The following CLVS1 variants were observed in gnomAD, a reference collection of about 807,000 sequenced individuals.
CLVS1 encodes clavesin 1, also known as clavesin-1.
A neutral mutation model predicts 33.1 loss-of-function variants in CLVS1; 10 were observed. The observed-to-expected ratio is 0.30, with a 90% CI of 0.19 to 0.51. CLVS1 has a LOEUF of 0.51. Ranked by LOEUF, CLVS1 falls within the 20% of genes least tolerant of loss-of-function variation. The pLI is 0.97. For synonymous variants in CLVS1, 163 were observed against 166.1 expected, an observed-to-expected ratio of 0.98 and a Z score of 0.14; for missense variants, 343 against 433.4, an observed-to-expected ratio of 0.79 and a Z score of 1.85.
intron 2 of CLVS1, among the ~76,000 whole-genome samples, chr8:61,340,072 AAAAAG>A (rs1811973069): frequency 6.7e-6 from 1 of 149,076 alleles, no homozygotes; most frequent in African/African-American, 2.4e-5. Flanking sequence ...AGAAAGAAAG[AAAAAG>A]AAAGGAAAGA....
rs1211273406 is a variant in CLVS1 at position 61,458,407 on chromosome 8, G to A, written c.842G>A (p.Gly281Glu). 1 of 1,614,074 alleles carries A rather than the reference G, an allele frequency of 6.2e-7. No homozygotes were observed. Among genetic ancestry groups the A allele is most frequent in the South Asian group, 1.1e-5 (1 of 91,068 alleles). ...FGGTLPPYDM[G>E]TWARTLLGPD... ...GGAACTCTTCCTCCTTATGACATGGGAACTTGGGCCCGGACGTTACTCGGT... is the reference window on the plus strand; with the variant it reads ...GGAACTCTTCCTCCTTATGACATGGAAACTTGGGCCCGGACGTTACTCGGT... The change falls in exon 5 of 6, where the codon GGA (glycine) becomes GAA (glutamate). Residue 281 changes from glycine to glutamate, a missense_variant. Physicochemically the swap from Gly to Glu is moderately conservative, Grantham distance 98. Coordinates refer to ENST00000325897, the MANE Select transcript of CLVS1 (RefSeq NM_173519.3).
intron 5 of CLVS1, among the ~76,000 whole-genome samples, chr8:61,478,950 G>A (rs946169684): frequency 3.9e-5 from 6 of 152,268 alleles, no homozygotes; most frequent in South Asian, 4.2e-4. Flanking sequence ...CAAGAGATCC[G>A]CTGTTAGTCT....
At chr8:61,019,808 C>A in the CLVS1 span, among the ~76,000 whole-genome samples, 10 of 152,030 alleles carry the variant, frequency 6.6e-5, no homozygotes, top group African/African-American at 2.4e-4. Flanking sequence ...ACCTTCCAAG[C>A]AGAACACCAA....
chr8:61,061,846 G>A (rs1804589130), intron 1 of CLVS1, among the ~76,000 whole-genome samples: 4 of 151,852 alleles, frequency 2.6e-5, no homozygotes. Context: ...AGAGGAGGGC[G>A]AGCTTGAGGT....
chr8:61,091,400 G>T (rs909245604), intron 1 of CLVS1, among the ~76,000 whole-genome samples: 2 of 152,208 alleles, frequency 1.3e-5, no homozygotes, highest in Admixed American at 6.5e-5. Context: ...CACTAAGTTT[G>T]TGGGAATTTG....
chr8:61,392,532 T>C (rs1437557931), intron 3 of CLVS1, among the ~76,000 whole-genome samples: 1 of 152,080 alleles, frequency 6.6e-6, no homozygotes, highest in Non-Finnish European at 1.5e-5. Context: ...CACCCTACCC[T>C]TTTACCTCTT....
intron 2 of CLVS1, among the ~76,000 whole-genome samples, chr8:61,217,427 T>C (rs558018055): frequency 8.1e-4 from 124 of 152,296 alleles, no homozygotes; most frequent in South Asian, 1.9e-3. Context: ...GTCAATGCTA[T>C]GGATATTGTA....
intron 1 of CLVS1, among the ~76,000 whole-genome samples, chr8:61,082,181 C>A (rs541814402): frequency 1.4e-4 from 22 of 152,106 alleles, no homozygotes; most frequent in Admixed American, 1.2e-3. Flanking sequence ...TGATGAGCTT[C>A]AATACACTGG....
At chr8:60,983,520 A>G in the CLVS1 span, among the ~76,000 whole-genome samples, 3 of 152,148 alleles carry the variant, frequency 2.0e-5, no homozygotes, top group African/African-American at 7.2e-5. Flanking sequence ...GTTTTCAATG[A>G]TCATCTGTCC....
chr8:61,203,151 A>G, intron 2 of CLVS1: 2 of 1,164,074 alleles, frequency 1.7e-6, no homozygotes, highest in Non-Finnish European at 2.6e-6. Context: ...AAGTTCATCA[A>G]TTACGTGAAG....
At chr8:61,113,899 C>T (rs1805672500) in intron 1 of CLVS1, among the ~76,000 whole-genome samples, 1 of 152,192 alleles carries the variant, frequency 6.6e-6, no homozygotes, top group African/African-American at 2.4e-5. Flanking sequence ...CTCCCAAAGT[C>T]TTGGGATTGC....
intron 2 of CLVS1, among the ~76,000 whole-genome samples, chr8:61,354,401 A>C (rs563804306): frequency 5.3e-5 from 8 of 152,148 alleles, no homozygotes; most frequent in African/African-American, 1.9e-4. Context: ...TCTGGAAAGC[A>C]ATTTGGTAGT....
chr8:61,211,419 T>C (rs770749432), intron 2 of CLVS1, among the ~76,000 whole-genome samples: 1 of 149,104 alleles, frequency 6.7e-6, no homozygotes, highest in Non-Finnish European at 1.5e-5. Flanking sequence ...CTCCCCCTAC[T>C]CTTCCTTCTC....
chr8:61,434,251 G>A (rs764377920), intron 3 of CLVS1, among the ~76,000 whole-genome samples: 1 of 152,178 alleles, frequency 6.6e-6, no homozygotes, highest in Non-Finnish European at 1.5e-5. Context: ...AATGAAACTG[G>A]TATTGAAATT....
intron 4 of CLVS1, among the ~76,000 whole-genome samples, chr8:61,455,174 T>C (rs1353490270): frequency 2.7e-5 from 3 of 109,636 alleles, no homozygotes; most frequent in Non-Finnish European, 5.9e-5. Context: ...CCTATAATTA[T>C]GATTTGTGTG....
chr8:61,371,592 C>T (rs1049388896), intron 2 of CLVS1, among the ~76,000 whole-genome samples: 4 of 152,192 alleles, frequency 2.6e-5, no homozygotes, highest in Non-Finnish European at 5.9e-5. Flanking sequence ...TATCTGATCA[C>T]TTATAGCCTT....
chr8:61,431,554 T>G (rs528070853), intron 3 of CLVS1, among the ~76,000 whole-genome samples: 17 of 152,330 alleles, frequency 1.1e-4, no homozygotes, highest in African/African-American at 3.8e-4. Flanking sequence ...TTCAAATCCC[T>G]TCCCCAACCT....
At chr8:61,185,653 C>T (rs1417167517) in intron 2 of CLVS1, among the ~76,000 whole-genome samples, 1 of 152,064 alleles carries the variant, frequency 6.6e-6, no homozygotes, top group African/African-American at 2.4e-5. Flanking sequence ...CACATTAGAA[C>T]AAAGCATATG....
chr8:61,061,133 A>G (rs1301485154), intron 1 of CLVS1, among the ~76,000 whole-genome samples: 1 of 152,142 alleles, frequency 6.6e-6, no homozygotes. Context: ...GATTTTATAA[A>G]ACAGAACTCC....
Sources: allele counts gnomAD v4.1 joint callset (sites outside exome capture counted in the v4.1 genomes callset), GRCh38; gene constraint gnomAD v4.1.1; transcripts MANE v1.5; gene names NCBI Gene and HGNC (gene_info 2026-07-23, HGNC 2026-07-21).